TTN: variants seen among roughly 807,000 people sequenced by gnomAD.
The protein encoded by TTN is connectin.
A neutral mutation model predicts 3,223.0 loss-of-function variants in TTN; 1,525 were observed. The ratio of observed to expected loss-of-function variants is 0.47; its 90% confidence interval spans 0.45 to 0.49. The LOEUF (loss-of-function observed/expected upper bound fraction) is 0.49. Among genes scored for constraint, TTN ranks in the 20% least tolerant of loss-of-function variants. TTN has a pLI of 0.00. For synonymous variants in TTN, 14,094 were observed against 15,161.0 expected, an observed-to-expected ratio of 0.93 and a Z score of 5.17; for missense variants, 40,786 against 43,424.0, an observed-to-expected ratio of 0.94 and a Z score of 5.40.
At chr2:178,699,050 C>G in intron 111 of TTN, 136 bp from the exon 112 acceptor site, 1 of 942,966 alleles carries the variant, frequency 1.1e-6, no homozygotes, top group Non-Finnish European at 1.5e-6. Context: ...CTGCATATTA[C>G]TACAAGATAT....
chr2:178,719,090 T>G, intron 83 of TTN, 74 bp downstream of exon 83: 3 of 1,538,144 alleles, frequency 2.0e-6, no homozygotes, highest in Non-Finnish European at 2.6e-6. Flanking sequence ...ATAAAGAAAC[T>G]CCAGGGAAGG....
At chr2:178,684,512 A>T in intron 131 of TTN, 99 bp from the exon 132 acceptor site, 2 of 1,399,942 alleles carry the variant, frequency 1.4e-6, no homozygotes, top group Non-Finnish European at 2.0e-6. Flanking sequence ...AGAATTTACA[A>T]GGCACACACA....
In TTN at chr2:178,682,717, T is replaced by C. The variant is rs2069758043; in HGVS notation, c.33074A>G (p.Glu11025Gly). The C allele has an allele frequency of 6.2e-7, 1 of 1,612,134 alleles. No homozygotes were observed. The highest frequency in any genetic ancestry group is 2.2e-5 in the East Asian group (1 of 44,836). ...YEEREYERYE[E>G]HEEYITEPEK... The stretch of plus-strand genomic sequence containing the variant: ...CATACCTGTGATGTATTCTTCATGC[T>C]CTTCATATCGTTCATACTCCCGCTC... Residue 11025 changes from glutamate to glycine, a missense_variant, in exon 135 of 363, where the codon GAG (glutamate) becomes GGG (glycine). Glu to Gly is a moderately conservative substitution (Grantham distance 98). Coordinates refer to ENST00000589042, the MANE Select transcript of TTN (RefSeq NM_001267550.2).
Position 178,576,776 on chromosome 2 carries a change from G to A in TTN, c.69468C>T (p.Ala23156=), listed in dbSNP as rs1416276123. Residue 23156 remains alanine, a synonymous_variant, in exon 325 of 363, where the codon GCC becomes GCT. Transcript: ENST00000589042. This position sits in a 1 kb window ranked among gnomAD's most constrained non-coding sequence, Gnocchi z 4.3. ...CCACTGGCCTTTTCCAGCTGACAGT[G>A]GCAGTGTTCTTAGTGACATTTGATA... is the stretch of plus-strand genomic sequence containing the variant. The part of the protein sequence containing the change: ...PEVSNVTKNT[A]TVSWKRPVDD... The A allele has an allele frequency of 6.2e-7, 1 of 1,613,242 alleles. No homozygotes were observed. The highest frequency in any genetic ancestry group is 8.5e-7 in the Non-Finnish European group (1 of 1,179,624).
At position 178,586,764 on chromosome 2, in the gene TTN, G is replaced by A. The variant is rs575396737; in HGVS notation, c.64137C>T (p.Thr21379=). 8.1e-6 allele frequency: 13 copies of A among 1,612,886 alleles called. No homozygotes were observed. The South Asian group carries it at 1.2e-4, about 15-fold the overall frequency. Reference sequence around the variant, plus strand: ...ACCAGGCTAAGGTGGCACTGTTCTTGGTCATTTCAGTCACTTCTAATTTCC... The same window carrying A: ...ACCAGGCTAAGGTGGCACTGTTCTTAGTCATTTCAGTCACTTCTAATTTCC... ...PPRKLEVTEM[T]KNSATLAWLP... The change falls in exon 308 of 363, where the codon ACC becomes ACT. Residue 21379 remains threonine, a synonymous_variant. Transcript: ENST00000589042.
rs55660660 is a variant in TTN at position 178,542,266 on chromosome 2, A to G, written c.97490T>C (p.Ile32497Thr). ...GGTGGAAGGGCCTGTGGACTTACGG[A>G]TGCTGCTGCGACACTCTATGACCTC... ...QSEVIECRSS[I>T]RIPGPPETLQ... The change falls in exon 349 of 363, where the codon ATC (isoleucine) becomes ACC (threonine). Residue 32497 changes from isoleucine (I) to threonine (T), a missense_variant and splice_region_variant. Coordinates refer to ENST00000589042, the MANE Select transcript of TTN (RefSeq NM_001267550.2). 796 of 1,604,922 alleles carry G rather than the reference A, an allele frequency of 5.0e-4. 9 individuals are homozygous for G. In the African/African-American group the frequency reaches 8.4e-3, roughly 17 times the overall value.
intron 45 of TTN, among the ~76,000 whole-genome samples, chr2:178,757,300 G>A (rs1325867931): frequency 2.0e-5 from 1 of 50,898 alleles, no homozygotes; most frequent in Non-Finnish European, 4.4e-5. Context: ...CCAAGCAAAG[G>A]TGGTGCCTAA....
Position 178,552,615 on chromosome 2 carries a change from C to T in TTN, c.90285G>A (p.Glu30095=), listed in dbSNP as rs1312515165. The change falls in exon 335 of 363, where the codon GAG becomes GAA. Residue 30095 remains glutamate, a synonymous_variant. Transcript: ENST00000589042. ...ACACTCTGAACTCCAGGACTGACTGCTCCTTAAGTTGGCTAACCTCAATTT... is the reference window on the plus strand; with the variant it reads ...ACACTCTGAACTCCAGGACTGACTGTTCCTTAAGTTGGCTAACCTCAATTT... ...TCEIEVSQLK[E]QSVLEFRVFA... The T allele has an allele frequency of 6.2e-7, 1 of 1,613,890 alleles. No individual in the cohort carries two copies. The highest frequency in any genetic ancestry group is 1.7e-5 in the Admixed American group (1 of 60,006).
chr2:178,590,930 A>C lies in TTN; in HGVS notation c.60795T>G (p.Ala20265=). Residue 20265 remains alanine (A), a synonymous_variant, in exon 304 of 363, where the codon GCT becomes GCG. Transcript: ENST00000589042. The part of the protein sequence containing the change: ...GPPLDSTPTV[A]KHKFSPPSPP... The stretch of plus-strand genomic sequence containing the variant: ...GAGACGGAGGACTAAATTTATGCTT[A>C]GCAACAGTAGGTGTGGAGTCAAGGG... 3.7e-6 allele frequency: 6 copies of C among 1,613,212 alleles called. No individual in the cohort carries two copies. The highest frequency in any genetic ancestry group is 5.1e-6 in the Non-Finnish European group (6 of 1,179,378).
In TTN at chr2:178,530,088, A is replaced by T. The variant is rs952475900; in HGVS notation, c.106403T>A (p.Leu35468His). Reference sequence around the variant, plus strand: ...GAAGAACCCTCCCTTGTCTTCAGAGAGTTTATATTTACCTCCTTGTGTAAT... The same window carrying T: ...GAAGAACCCTCCCTTGTCTTCAGAGTGTTTATATTTACCTCCTTGTGTAAT... Reference protein sequence around the residue: ...KAITQGGKYKLSEDKGGFFLE... With the variant: ...KAITQGGKYKHSEDKGGFFLE... Residue 35468 changes from leucine (L) to histidine (H), a missense_variant, in exon 359 of 363, where the codon CTC (leucine) becomes CAC (histidine). By Grantham distance (99) the Leu-to-His change is moderately conservative (BLOSUM62 -3). Coordinates refer to ENST00000589042, the MANE Select transcript of TTN (RefSeq NM_001267550.2). 29 of 1,606,928 alleles carry T rather than the reference A, an allele frequency of 1.8e-5. No individual in the cohort carries two copies. The highest frequency in any genetic ancestry group is 2.4e-5 in the Non-Finnish European group (28 of 1,178,178).
intron 348 of TTN, 30 bp downstream of exon 348, chr2:178,542,632 C>G (rs1427625159): frequency 6.2e-7 from 1 of 1,600,556 alleles, no homozygotes; most frequent in Admixed American, 1.7e-5. Context: ...TGAACATCAA[C>G]TTGCTTGTAT....
In TTN at chr2:178,527,593, C is replaced by T; in HGVS notation, c.107533G>A (p.Glu35845Lys). 1 of 1,613,990 alleles carries T rather than the reference C, an allele frequency of 6.2e-7. No homozygotes were observed. Among genetic ancestry groups the T allele is most frequent in the Non-Finnish European group, 8.5e-7 (1 of 1,179,884 alleles). The change falls in exon 362 of 363, where the codon GAG becomes AAG. Residue 35845 changes from glutamate to lysine, a missense_variant. Transcript: ENST00000589042. The stretch of plus-strand genomic sequence containing the variant: ...GCAGACATGCTTGCAAATTTCATCT[C>T]AGTCATGCTGCTAGCACTGCTGCTG... Reference protein sequence around the residue: ...FSSSSASSMTEMKFASMSAQS... With the variant: ...FSSSSASSMTKMKFASMSAQS...
Position 178,776,383 on chromosome 2 carries a change from T to C in TTN, c.5481A>G (p.Ala1827=). ...EELERMAHEG[A]LTGVTTDQKE... ...TCTGATCTGTTGTTACACCTGTAAG[T>C]GCACCTTCATGAGCCATTCTCTCTA... The change falls in exon 28 of 363, where the codon GCA becomes GCG. Residue 1827 remains alanine, a synonymous_variant. Transcript: ENST00000589042. 6.2e-7 allele frequency: 1 copy of C among 1,613,012 alleles called. No individual in the cohort carries two copies. Among genetic ancestry groups the C allele is most frequent in the South Asian group, 1.1e-5 (1 of 91,086 alleles).
In TTN at chr2:178,573,419, G is replaced by A. The variant is rs786205303; in HGVS notation, c.72713C>T (p.Ser24238Leu). 4.4e-5 allele frequency: 67 copies of A among 1,519,052 alleles called. No individual in the cohort carries two copies. The highest frequency in any genetic ancestry group is 1.8e-4 in the Middle Eastern group (1 of 5,646). 94.1% of individuals were successfully genotyped at this position (1,519,052 alleles called of 1,614,324 possible). A position where few individuals can be genotyped will look rare whatever the true frequency, so the allele number is the denominator to read the frequency against. Residue 24238 changes from serine to leucine, a missense_variant, in exon 326 of 363, where the codon TCG (serine) becomes TTG (leucine). Transcript: ENST00000589042. ...AGGATGTCCCCAGCAGACAACCATCGAATCTTTAGTAATAGTTGTCACTTC... is the reference window on the plus strand; with the variant it reads ...AGGATGTCCCCAGCAGACAACCATCAAATCTTTAGTAATAGTTGTCACTTC... The part of the protein sequence containing the change: ...NPEVTTITKD[S>L]MVVCWGHPDS...
chr2:178,583,192 A>T lies in TTN; in HGVS notation c.65611T>A (p.Ser21871Thr), dbSNP rs776842227. Reference protein sequence around the residue: ...PRIDLSVAMKSLLTVKAGTNV... With the variant: ...PRIDLSVAMKTLLTVKAGTNV... ...GTTCCAGCTTTCACAGTAAGCAAAGATTTCATAGCCACACTCAGGTCTATC... is the reference window on the plus strand; with the variant it reads ...GTTCCAGCTTTCACAGTAAGCAAAGTTTTCATAGCCACACTCAGGTCTATC... Residue 21871 changes from serine (S) to threonine (T), a missense_variant, in exon 313 of 363, where the codon TCT (serine) becomes ACT (threonine). Transcript: ENST00000589042. 15 of 1,609,612 alleles carry T rather than the reference A, an allele frequency of 9.3e-6. No homozygotes were observed. Among genetic ancestry groups the T allele is most frequent in the Non-Finnish European group, 1.1e-5 (13 of 1,177,146 alleles).
In TTN at chr2:178,729,882, G is replaced by T. The variant is rs1280788914; in HGVS notation, c.18371C>A (p.Thr6124Lys). 1 of 1,613,522 alleles carries T rather than the reference G, an allele frequency of 6.2e-7. No individual in the cohort carries two copies. Among genetic ancestry groups the T allele is most frequent in the Admixed American group, 1.7e-5 (1 of 59,956 alleles). The change falls in exon 63 of 363, where the codon ACA (threonine) becomes AAA (lysine). Residue 6124 changes from threonine (T) to lysine (K), a missense_variant. Physicochemically the swap from Thr to Lys is moderately conservative, Grantham distance 78. Transcript: ENST00000589042. The part of the protein sequence containing the change: ...VLVLRNGQST[T>K]FECQITGTPK... ...AGTGCCTGTTATTTGGCATTCAAAT[G>T]TTGTTGACTGTCCATTCCTCAGCAC...
chr2:178,572,303 G>A lies in TTN; in HGVS notation c.73829C>T (p.Ser24610Phe). ...AAGAGGTCGTTCTGATGCTTTCACA[G>A]ATTCTGCGGTTTCAGCAGGCAGCCC... ...GIGLPAETAESVKASERPLPP... is the reference protein window; with the variant it reads ...GIGLPAETAEFVKASERPLPP... The change falls in exon 326 of 363, where the codon TCT becomes TTT. Residue 24610 changes from serine to phenylalanine, a missense_variant. By Grantham distance (155) the Ser-to-Phe change is radical. Transcript: ENST00000589042. 1 of 1,611,764 alleles carries A rather than the reference G, an allele frequency of 6.2e-7. No individual in the cohort carries two copies. The highest frequency in any genetic ancestry group is 1.7e-4 in the Middle Eastern group (1 of 6,042).
At position 178,576,421 on chromosome 2, in the gene TTN, G is replaced by C. The variant is rs72646886; in HGVS notation, c.69716-5C>G. On this transcript the variant is annotated splice_region_variant and splice_polypyrimidine_tract_variant and intron_variant, in intron 325 of 362. Transcript: ENST00000589042. The surrounding 1 kb of genome is among the most constrained non-coding windows in gnomAD (Gnocchi z 4.3). ...TTGAAGGTGGTCCTGGAGGATCTGA[G>C]AAAGAAACAAAGACACAAAAGTATA... 3.1e-3 allele frequency: 4,928 copies of C among 1,576,102 alleles called. 12 individuals carry two copies. The highest frequency in any genetic ancestry group is 9.3e-3 in the Middle Eastern group (55 of 5,890).
chr2:178,587,217 G>T lies in TTN; in HGVS notation c.63994C>A (p.Pro21332Thr), dbSNP rs879031561. The T allele has an allele frequency of 1.1e-5, 18 of 1,613,088 alleles. No homozygotes were observed. The African/African-American group carries it at 1.6e-4, about 14-fold the overall frequency. The stretch of plus-strand genomic sequence containing the variant: ...ACTCTGAAGTAATACTCATTCCCAG[G>T]GACAAGATTGGTTACATGGAAGCTT... ...KTSFHVTNLV[P>T]GNEYYFRVTA... Residue 21332 changes from proline to threonine, a missense_variant, in exon 307 of 363, where the codon CCT becomes ACT. By Grantham distance (38) the Pro-to-Thr change is conservative (BLOSUM62 -1). Transcript: ENST00000589042.
Sources: allele counts gnomAD v4.1 joint callset (sites outside exome capture counted in the v4.1 genomes callset), GRCh38; gene constraint gnomAD v4.1.1; non-coding constraint Gnocchi (gnomAD v3.1); transcripts MANE v1.5; gene names NCBI Gene and HGNC (gene_info 2026-07-23, HGNC 2026-07-21).